Variants in PCDHAC1 observed in about 807,000 individuals in gnomAD.
The protein encoded by PCDHAC1 is protocadherin alpha subfamily C, 1.
PCDHAC1 carries 42 observed loss-of-function variants against 60.0 expected under a neutral mutation model. The observed-to-expected ratio is 0.70, with a 90% CI of 0.55 to 0.90. The LOEUF is 0.90. Ranked by LOEUF, PCDHAC1 falls within the 40% of genes least tolerant of loss-of-function variation. The pLI is 0.00. For synonymous variants in PCDHAC1, 468 were observed against 499.3 expected (o/e 0.94, Z 0.84); for missense variants, 1,160 against 1,222.3 (o/e 0.95, Z 0.76).
chr5:140,953,542 A>G (rs2094901319), intron 1 of PCDHAC1, among the ~76,000 whole-genome samples: 1 of 152,080 alleles, frequency 6.6e-6, no homozygotes, highest in Admixed American at 6.6e-5. Flanking sequence ...CTTCATGCTG[A>G]TTCTTTTCTC....
intron 1 of PCDHAC1, among the ~76,000 whole-genome samples, chr5:140,955,338 C>T (rs1232401709): frequency 6.6e-6 from 1 of 152,062 alleles, no homozygotes; most frequent in African/African-American, 2.4e-5. Flanking sequence ...TCCCATAATC[C>T]CCACATGTTG....
At chr5:140,968,846 C>T (rs1554231159) in intron 1 of PCDHAC1, 1 of 1,614,186 alleles carries the variant, frequency 6.2e-7, no homozygotes. Context: ...CACTCAGAGG[C>T]ATGTTAAGAG....
chr5:140,936,798 T>C (rs2091152803), intron 1 of PCDHAC1, among the ~76,000 whole-genome samples: 1 of 152,240 alleles, frequency 6.6e-6, no homozygotes, highest in Admixed American at 6.5e-5. Context: ...TGCTTCAAGA[T>C]TAACTTAGCT....
intron 1 of PCDHAC1, among the ~76,000 whole-genome samples, chr5:140,946,626 A>G (rs2093985217): frequency 7.5e-6 from 1 of 132,480 alleles, no homozygotes; most frequent in Non-Finnish European, 1.6e-5. Context: ...ATATATATAT[A>G]TATATACAAT....
intron 3 of PCDHAC1, among the ~76,000 whole-genome samples, chr5:141,008,259 T>G (rs986818585): frequency 3.3e-5 from 5 of 152,202 alleles, no homozygotes; most frequent in Non-Finnish European, 7.3e-5. Context: ...TAGAGGAGAC[T>G]GAGAAGTAAT....
chr5:140,972,056 G>A (rs995898254), intron 1 of PCDHAC1, among the ~76,000 whole-genome samples: 8 of 152,106 alleles, frequency 5.3e-5, no homozygotes, highest in Non-Finnish European at 1.2e-4. Flanking sequence ...TCACCTAGTC[G>A]TATATATTAA....
chr5:140,962,248 A>G (rs782618740), intron 1 of PCDHAC1, among the ~76,000 whole-genome samples: 5 of 152,182 alleles, frequency 3.3e-5, no homozygotes, highest in Non-Finnish European at 5.9e-5. Context: ...ATTTTCTTCA[A>G]TGAAAAATAA....
chr5:140,993,508 ACG>A (rs2097567607), intron 3 of PCDHAC1, among the ~76,000 whole-genome samples: 1 of 147,006 alleles, frequency 6.8e-6, no homozygotes, highest in Non-Finnish European at 1.5e-5. Context: ...ACACACACAC[ACG>A]GGGAGAGAGA....
intron 3 of PCDHAC1, among the ~76,000 whole-genome samples, chr5:140,999,230 G>A (rs2097851745): frequency 6.6e-6 from 1 of 152,194 alleles, no homozygotes; most frequent in Non-Finnish European, 1.5e-5. Flanking sequence ...TTTGAGAATA[G>A]GTGGTTAAAG....
intron 3 of PCDHAC1, among the ~76,000 whole-genome samples, chr5:140,983,949 T>TA (rs1554245835): frequency 1.3e-5 from 2 of 152,176 alleles, no homozygotes. Flanking sequence ...ACAATTCAAC[T>TA]AAAAGTCACA....
chr5:140,927,293 C>T lies in PCDHAC1; in HGVS notation c.401C>T (p.Pro134Leu), dbSNP rs782386645. The T allele has an allele frequency of 3.1e-6, 5 of 1,614,176 alleles. No individual in the cohort carries two copies. Among genetic ancestry groups the T allele is most frequent in the Non-Finnish European group, 3.4e-6 (4 of 1,180,046 alleles). Reference sequence around the variant, plus strand: ...GCCGGCGACGTGCAGCTGCACATCCCCGAGTTCCTGACGCCCGGAGCCCGC... The same window carrying T: ...GCCGGCGACGTGCAGCTGCACATCCTCGAGTTCCTGACGCCCGGAGCCCGC... ...FPAGDVQLHI[P>L]EFLTPGARFT... The change falls in exon 1 of 4, where the codon CCC (proline) becomes CTC (leucine). Residue 134 changes from proline (P) to leucine (L), a missense_variant. By Grantham distance (98) the Pro-to-Leu change is moderately conservative (BLOSUM62 -3). Transcript: ENST00000253807.
chr5:140,985,039 G>A lies in PCDHAC1; in HGVS notation c.2581+2476G>A, dbSNP rs112093918. Among the ~76,000 whole-genome samples the A allele has an allele frequency of 5.2e-3, 789 of 152,178 alleles. 6 individuals carry two copies. Among genetic ancestry groups the A allele is most frequent in the African/African-American group, 0.018 (750 of 41,516 alleles). ...AGCAACCTCTGCCTCCTGGGTTCAA[G>A]TGATTCTCCTGCCTCAGCCTCCTGA... On this transcript the variant is annotated intron_variant, in intron 3 of 3. Transcript: ENST00000253807.
At chr5:140,987,880 T>A (rs2097271532) in intron 3 of PCDHAC1, among the ~76,000 whole-genome samples, 1 of 152,112 alleles carries the variant, frequency 6.6e-6, no homozygotes, top group Non-Finnish European at 1.5e-5. Context: ...AAATGGACAG[T>A]TTATGTGCCC....
rs782420685 is a variant in PCDHAC1, at chr5:140,978,941, T to G, written c.2434-8T>G. 1 of 1,614,158 alleles carries G rather than the reference T, an allele frequency of 6.2e-7. No homozygotes were observed. The highest frequency in any genetic ancestry group is 2.2e-5 in the East Asian group (1 of 44,880). On this transcript the variant is annotated splice_region_variant and splice_polypyrimidine_tract_variant and intron_variant, in intron 1 of 3. Transcript: ENST00000253807. ...TTTTAACAGAAAACTCTCTTTGTGA[T>G]TTTGCAGCCACGACAGCCCAACCCT...
chr5:140,980,044 T>G (rs1249451662), intron 2 of PCDHAC1, among the ~76,000 whole-genome samples: 11 of 152,258 alleles, frequency 7.2e-5, no homozygotes, highest in Non-Finnish European at 1.5e-4. Flanking sequence ...GGGTGCTATT[T>G]CTGATTCAGA....
chr5:140,973,863 T>C (rs868937124), intron 1 of PCDHAC1, among the ~76,000 whole-genome samples: 1 of 152,224 alleles, frequency 6.6e-6, no homozygotes. Context: ...TTGCTCTCAA[T>C]GAGAGGTCAG....
At position 140,929,044 on chromosome 5, in the gene PCDHAC1, T is replaced by C. The variant is rs17844369; in HGVS notation, c.2152T>C (p.Cys718Arg). ...HQSPGCCAQS[C>R]CRSTEDLRYG... ...GAGCCCAGGCTGTTGCGCTCAGAGC[T>C]GCTGTCGCTCTACAGAGGATCTGAG... Residue 718 changes from cysteine to arginine, a missense_variant, in exon 1 of 4, where the codon TGC (cysteine) becomes CGC (arginine). This residue lies in a region of PCDHAC1 where 1,113 missense variants were observed against 1,163.7 expected (regional missense o/e 0.96). Coordinates refer to ENST00000253807, the MANE Select transcript of PCDHAC1 (RefSeq NM_018898.5). 7 of 1,614,100 alleles carry C rather than the reference T, an allele frequency of 4.3e-6. No individual in the cohort carries two copies. The East Asian group carries it at 1.6e-4, about 36-fold the overall frequency.
At chr5:141,005,696 C>A (rs1269379462) in intron 3 of PCDHAC1, among the ~76,000 whole-genome samples, 1 of 105,034 alleles carries the variant, frequency 9.5e-6, no homozygotes, top group African/African-American at 4.2e-5. Flanking sequence ...AGCGAAACTC[C>A]GTCTCAAAAA....
Position 141,010,304 on chromosome 5 carries a change from A to C in PCDHAC1, c.*367A>C. 1.3e-6 allele frequency: 2 copies of C among 1,548,750 alleles called. No homozygotes were observed. Among genetic ancestry groups the C allele is most frequent in the Non-Finnish European group, 8.7e-7 (1 of 1,146,136 alleles). On this transcript the variant is annotated 3_prime_UTR_variant, in exon 4 of 4. Coordinates refer to ENST00000253807, the MANE Select transcript of PCDHAC1 (RefSeq NM_018898.5). ...ATGACACTTGCAGGGCAGGCTGAAA[A>C]GTTTTGAGATTGAGCAGCTTGGGAG...
Sources: gnomAD v4.1 joint callset for allele counts (sites outside exome capture counted in the v4.1 genomes callset) on GRCh38, gnomAD v4.1.1 for gene constraint, gnomAD v4.1.1 regional missense constraint, MANE v1.5 for transcripts, NCBI Gene and HGNC (gene_info 2026-07-23, HGNC 2026-07-21) for gene names.